The following PTPRJ variants were observed in gnomAD, a reference collection of about 807,000 sequenced individuals.
PTPRJ encodes receptor-type tyrosine-protein phosphatase eta.
In PTPRJ, 129 loss-of-function variants were observed where a neutral mutation model predicts 141.3. That is an observed-to-expected ratio of 0.91 (90% CI 0.79 to 1.06). The LOEUF (loss-of-function observed/expected upper bound fraction) is 1.06. Ranked by LOEUF, PTPRJ falls within the 50% of genes least tolerant of loss-of-function variation. The probability of loss-of-function intolerance (pLI) is 0.00; values close to 1 mark genes in which losing one functional copy is unlikely to be tolerated. For missense variants in PTPRJ, 1,601 were observed against 1,679.7 expected (o/e 0.95, Z 0.82); for synonymous variants, 610 against 640.5 (o/e 0.95, Z 0.72).
chr11:48,001,810 T>G (rs1307005520), intron 1 of PTPRJ, among the ~76,000 whole-genome samples: 1 of 152,178 alleles, frequency 6.6e-6, no homozygotes, highest in African/African-American at 2.4e-5. Context: ...GTCAGAGTGT[T>G]AGGTAGGACT....
chr11:47,998,093 G>T (rs1360983090), intron 1 of PTPRJ, among the ~76,000 whole-genome samples: 1 of 151,328 alleles, frequency 6.6e-6, no homozygotes, highest in African/African-American at 2.4e-5. Context: ...ACAGTGTAGA[G>T]CAGACTTGGT....
intron 21 of PTPRJ, among the ~76,000 whole-genome samples, chr11:48,156,996 G>T (rs919949067): frequency 6.6e-6 from 1 of 150,720 alleles, no homozygotes. Context: ...TCAAAGATAA[G>T]ATTTTTTTTT....
intron 19 of PTPRJ, among the ~76,000 whole-genome samples, chr11:48,154,760 C>T (rs1031994593): frequency 1.3e-5 from 2 of 152,122 alleles, no homozygotes; most frequent in African/African-American, 4.8e-5. Flanking sequence ...TTGTACTTGA[C>T]AAGGAGTATT....
intron 1 of PTPRJ, among the ~76,000 whole-genome samples, chr11:48,017,609 G>T (rs1854983995): frequency 6.6e-6 from 1 of 152,140 alleles, no homozygotes; most frequent in African/African-American, 2.4e-5. Context: ...GCATCTGAGG[G>T]CTAGCCACAC....
chr11:48,029,783 C>T (rs1037820451), intron 1 of PTPRJ, among the ~76,000 whole-genome samples: 6 of 152,066 alleles, frequency 3.9e-5, no homozygotes, highest in Non-Finnish European at 7.3e-5. Flanking sequence ...TATAGTGGGT[C>T]GGCACAGTTT....
rs569987580 is a variant in PTPRJ, at chr11:48,093,071, G to A, written c.97-16987G>A. On this transcript the variant is annotated intron_variant, in intron 1 of 24. Transcript: ENST00000418331. ...TTTCTAAACTACTCGTGTATTCCTG[G>A]TATAAATCAACTCAGTGTGTTACTC... Among the ~76,000 whole-genome samples the A allele has an allele frequency of 1.1e-4, 16 of 152,184 alleles. No homozygotes were observed. The South Asian group carries it at 3.1e-3, about 30-fold the overall frequency.
intron 1 of PTPRJ, among the ~76,000 whole-genome samples, chr11:48,077,544 T>C (rs1207854084): frequency 6.6e-6 from 1 of 152,202 alleles, no homozygotes; most frequent in Non-Finnish European, 1.5e-5. Flanking sequence ...CTACTCTGTG[T>C]CTCAGCACCA....
In PTPRJ at chr11:48,145,131, A is replaced by G; in HGVS notation, c.2911+7A>G. ...TCCTTGCCCCAGGATCCAGGTAGGG[A>G]GAAGACAACAGTCCTGGCACTGGTT... is the stretch of plus-strand genomic sequence containing the variant. On this transcript the variant is annotated splice_region_variant and intron_variant, in intron 14 of 24. Transcript: ENST00000418331. 6.2e-7 allele frequency: 1 copy of G among 1,613,562 alleles called. No individual in the cohort carries two copies. Among genetic ancestry groups the G allele is most frequent in the Non-Finnish European group, 8.5e-7 (1 of 1,179,948 alleles).
intron 1 of PTPRJ, among the ~76,000 whole-genome samples, chr11:47,995,139 C>T (rs1189182764): frequency 9.9e-5 from 15 of 152,084 alleles, no homozygotes; most frequent in Admixed American, 2.0e-4. Flanking sequence ...TTTTTTGTCA[C>T]GATAGGCCCT....
At position 48,130,683 on chromosome 11, in the gene PTPRJ, G is replaced by A; in HGVS notation, c.1582G>A (p.Glu528Lys). The change falls in exon 8 of 25, where the codon GAA becomes AAA. Residue 528 changes from glutamate to lysine, a missense_variant. Physicochemically the swap from Glu to Lys is moderately conservative, Grantham distance 56. Transcript: ENST00000418331. ...AGTTCCAAAAGGACCAAATGGGACTGAAGGGGCATCTCGGACAGTTTGCAA... is the reference window on the plus strand; with the variant it reads ...AGTTCCAAAAGGACCAAATGGGACTAAAGGGGCATCTCGGACAGTTTGCAA... ...EIVPKGPNGTEGASRTVCNRT... is the reference protein window; with the variant it reads ...EIVPKGPNGTKGASRTVCNRT... 1 of 1,613,824 alleles carries A rather than the reference G, an allele frequency of 6.2e-7. No homozygotes were observed. Among genetic ancestry groups the A allele is most frequent in the Non-Finnish European group, 8.5e-7 (1 of 1,179,798 alleles).
rs116065180 is a variant in PTPRJ at position 48,151,256 on chromosome 11, G to A, written c.3138+1073G>A. On this transcript the variant is annotated intron_variant, in intron 18 of 24. Coordinates refer to ENST00000418331, the MANE Select transcript of PTPRJ (RefSeq NM_002843.4). ...CTGGGCAGCGCCCTTCCTTGCCTCCGCAGCTTCTGGGAGCCCCAGGCGTCC... is the reference window on the plus strand; with the variant it reads ...CTGGGCAGCGCCCTTCCTTGCCTCCACAGCTTCTGGGAGCCCCAGGCGTCC... Among the ~76,000 whole-genome samples the A allele has an allele frequency of 9.9e-3, 1,501 of 151,986 alleles. 23 individuals carry two copies. Among genetic ancestry groups the A allele is most frequent in the African/African-American group, 0.034 (1,420 of 41,414 alleles).
intron 4 of PTPRJ, among the ~76,000 whole-genome samples, chr11:48,121,499 T>G (rs908713593): frequency 1.3e-5 from 2 of 152,194 alleles, no homozygotes; most frequent in East Asian, 3.8e-4. Flanking sequence ...TTTAAAATCT[T>G]TTGTTATTGT....
chr11:48,097,776 C>T (rs1307191875), intron 1 of PTPRJ, among the ~76,000 whole-genome samples: 1 of 152,128 alleles, frequency 6.6e-6, no homozygotes, highest in Non-Finnish European at 1.5e-5. Flanking sequence ...TGAGCTCAGG[C>T]AATCCCCAGC....
At chr11:48,167,109 T>G in intron 24 of PTPRJ, 95 bp from the exon 25 acceptor site, 5 of 1,203,272 alleles carry the variant, frequency 4.2e-6, no homozygotes, top group Non-Finnish European at 3.6e-6. Flanking sequence ...GGTTTGGGAG[T>G]TGGGCGGGGG....
intron 16 of PTPRJ, 116 bp from the exon 17 acceptor site, chr11:48,149,873 CT>C: frequency 6.6e-6 from 5 of 758,958 alleles, no homozygotes. Flanking sequence ...CTCTGACCCC[CT>C]CTTGCCAAAT....
intron 1 of PTPRJ, among the ~76,000 whole-genome samples, chr11:48,023,889 T>G (rs1032521067): frequency 6.6e-6 from 1 of 152,058 alleles, no homozygotes; most frequent in Admixed American, 6.5e-5. Context: ...ACAACTTTTT[T>G]GGTCAAAACC....
chr11:48,057,343 C>T (rs1245204246), intron 1 of PTPRJ, among the ~76,000 whole-genome samples: 4 of 152,316 alleles, frequency 2.6e-5, no homozygotes, highest in African/African-American at 9.6e-5. Flanking sequence ...GGAGTTTAAA[C>T]AGCACACCTG....
At chr11:48,105,744 G>T (rs1424342283) in intron 1 of PTPRJ, among the ~76,000 whole-genome samples, 3 of 152,118 alleles carry the variant, frequency 2.0e-5, no homozygotes, top group African/African-American at 7.2e-5. Flanking sequence ...AGATCTCTGT[G>T]TGCTCCTGAG....
At chr11:48,166,110 G>A (rs1051258395) in intron 24 of PTPRJ, among the ~76,000 whole-genome samples, 6 of 151,598 alleles carry the variant, frequency 4.0e-5, no homozygotes, top group African/African-American at 9.7e-5. Context: ...TGATCCGCCC[G>A]CCTCGGCCTC....
Sources: gnomAD v4.1 joint callset for allele counts (sites outside exome capture counted in the v4.1 genomes callset) on GRCh38, gnomAD v4.1.1 for gene constraint, MANE v1.5 for transcripts, NCBI Gene and HGNC (gene_info 2026-07-23, HGNC 2026-07-21) for gene names.